TRNAU1AP: variants seen among roughly 807,000 people sequenced by gnomAD.
TRNAU1AP encodes tRNA selenocysteine 1 associated protein 1, also known as tRNA selenocysteine 1-associated protein 1.
Under a neutral mutation model 43.3 loss-of-function variants are expected in TRNAU1AP, and 33 were observed. The observed-to-expected ratio is 0.76, with a 90% CI of 0.58 to 1.02. The LOEUF is 1.02. Ranked by LOEUF, TRNAU1AP falls within the 50% of genes least tolerant of loss-of-function variation. The pLI, the probability that TRNAU1AP is intolerant of heterozygous loss-of-function variation, is 0.00. For synonymous variants in TRNAU1AP, 143 were observed against 129.1 expected, an observed-to-expected ratio of 1.11 and a Z score of -0.73; for missense variants, 290 against 362.7, an observed-to-expected ratio of 0.80 and a Z score of 1.63.
intron 2 of TRNAU1AP, among the ~76,000 whole-genome samples, chr1:28,560,129 A>T (rs980443788): frequency 6.6e-6 from 1 of 152,046 alleles, no homozygotes; most frequent in Non-Finnish European, 1.5e-5. Flanking sequence ...AATACAGATA[A>T]ACGAATCTTG....
intron 5 of TRNAU1AP, among the ~76,000 whole-genome samples, chr1:28,566,584 C>T (rs1399342893): frequency 6.6e-6 from 1 of 151,796 alleles, no homozygotes; most frequent in Non-Finnish European, 1.5e-5. Context: ...AACCCTGTCT[C>T]TACTAAAAAA....
chr1:28,554,010 C>G (rs1665194722), intron 2 of TRNAU1AP: 1 of 273,490 alleles, frequency 3.7e-6, no homozygotes, highest in Admixed American at 4.4e-5. Flanking sequence ...CCAGCCTGGC[C>G]AACATGGTGA....
intron 8 of TRNAU1AP, 49 bp from the exon 9 acceptor site, chr1:28,577,451 T>C (rs965672351): frequency 1.3e-6 from 2 of 1,599,544 alleles, no homozygotes; most frequent in African/African-American, 2.7e-5. Flanking sequence ...ACCAGGTCCC[T>C]TGCAGCTGTC....
At chr1:28,553,584 C>T (rs904278137) in intron 1 of TRNAU1AP, 56 bp from the exon 2 acceptor site, 1 of 1,550,008 alleles carries the variant, frequency 6.5e-7, no homozygotes, top group Non-Finnish European at 8.9e-7. Context: ...GCTCTGGAAC[C>T]CGGAGTGGGA....
chr1:28,561,639 A>G (rs1665406588), intron 4 of TRNAU1AP, among the ~76,000 whole-genome samples: 1 of 152,190 alleles, frequency 6.6e-6, no homozygotes, highest in South Asian at 2.1e-4. Flanking sequence ...GTTTTATTCA[A>G]TAAGAATTGC....
chr1:28,567,252 T>G (rs562733367), intron 5 of TRNAU1AP, 42 bp from the exon 6 acceptor site: 1 of 1,605,228 alleles, frequency 6.2e-7, no homozygotes, highest in South Asian at 1.1e-5. Flanking sequence ...TCTTAGACTT[T>G]AATCACATTT....
At chr1:28,568,284 T>C (rs1239754277) in intron 6 of TRNAU1AP, among the ~76,000 whole-genome samples, 3 of 152,154 alleles carry the variant, frequency 2.0e-5, no homozygotes, top group Non-Finnish European at 4.4e-5. Flanking sequence ...CTGAATGGGA[T>C]TTTTTGTTTG....
intron 2 of TRNAU1AP, among the ~76,000 whole-genome samples, chr1:28,554,683 A>G (rs1339616598): frequency 6.6e-6 from 1 of 151,910 alleles, no homozygotes; most frequent in Non-Finnish European, 1.5e-5. Context: ...TCTACTAAAA[A>G]TACAAAAAAA....
At chr1:28,570,256 T>C (rs1665634939) in intron 6 of TRNAU1AP, among the ~76,000 whole-genome samples, 1 of 151,206 alleles carries the variant, frequency 6.6e-6, no homozygotes, top group Non-Finnish European at 1.5e-5. Context: ...TCTCTTTTCT[T>C]TTTTTTTTGA....
chr1:28,556,551 G>A (rs1471097103), intron 2 of TRNAU1AP, among the ~76,000 whole-genome samples: 6 of 135,292 alleles, frequency 4.4e-5, no homozygotes, highest in African/African-American at 1.7e-4. Flanking sequence ...TCCCTCTGTT[G>A]CCCAGGCTGA....
chr1:28,563,277 C>T (rs1327822087), intron 4 of TRNAU1AP, among the ~76,000 whole-genome samples: 3 of 150,512 alleles, frequency 2.0e-5, no homozygotes, highest in South Asian at 2.2e-4. Context: ...AGGCCGGGTG[C>T]GGTGGCTCAC....
chr1:28,561,200 C>T, intron 3 of TRNAU1AP, 146 bp from the exon 4 acceptor site: 1 of 1,472,864 alleles, frequency 6.8e-7, no homozygotes, highest in Non-Finnish European at 9.0e-7. Flanking sequence ...TCCGTGCAAC[C>T]CCCTCATTTT....
In TRNAU1AP at chr1:28,561,404, T is replaced by G. The variant is rs766557091; in HGVS notation, c.278+6T>G. 4.3e-6 allele frequency: 7 copies of G among 1,614,040 alleles called. No individual in the cohort carries two copies. The Admixed American group carries it at 1.2e-4, about 27-fold the overall frequency. ...GGGAAACAACCAGATAACAGGTAGG[T>G]ACAAAGTCATGTCTAGACAGACATA... is the stretch of plus-strand genomic sequence containing the variant. On this transcript the variant is annotated splice_donor_region_variant and intron_variant, in intron 4 of 8. Coordinates refer to ENST00000373830, the MANE Select transcript of TRNAU1AP (RefSeq NM_017846.5).
At chr1:28,572,934 C>CA (rs200836155) in intron 8 of TRNAU1AP, among the ~76,000 whole-genome samples, 20,210 of 144,492 alleles carry the variant, frequency 0.14, 1,665 homozygotes, top group Non-Finnish European at 0.18. Context: ...GACTCCGTCT[C>CA]AAAAAAAAAG....
intron 2 of TRNAU1AP, among the ~76,000 whole-genome samples, chr1:28,557,516 C>T (rs1452526099): frequency 1.4e-5 from 2 of 141,004 alleles, no homozygotes; most frequent in East Asian, 4.1e-4. Flanking sequence ...TCGCTCTTGT[C>T]ACCCAGACTA....
At chr1:28,571,786 A>AAAAATAAATAAATAAAATAAAAT in intron 7 of TRNAU1AP, 81 bp from the exon 8 acceptor site, 1 of 1,008,578 alleles carries the variant, frequency 9.9e-7, no homozygotes. Flanking sequence ...CCACCTCAAA[A>AAAAATAAATAAATAAAATAAAAT]AAAATAAAAA....
At chr1:28,562,168 G>A (rs1665425015) in intron 4 of TRNAU1AP, among the ~76,000 whole-genome samples, 1 of 152,220 alleles carries the variant, frequency 6.6e-6, no homozygotes, top group African/African-American at 2.4e-5. Context: ...TTAAAACGGT[G>A]TACCAAAAGC....
chr1:28,571,961 C>A, intron 8 of TRNAU1AP, 61 bp downstream of exon 8: 1 of 1,420,664 alleles, frequency 7.0e-7, no homozygotes, highest in Non-Finnish European at 1.0e-6. Context: ...GTGGCTGGCA[C>A]TGTGCTCTCA....
chr1:28,571,114 C>T, intron 6 of TRNAU1AP, 62 bp from the exon 7 acceptor site: 1 of 1,517,810 alleles, frequency 6.6e-7, no homozygotes, highest in East Asian at 2.3e-5. Flanking sequence ...AGTCTGTGGC[C>T]ACATAGGCAG....
Sources: allele counts gnomAD v4.1 joint callset (sites outside exome capture counted in the v4.1 genomes callset), GRCh38; gene constraint gnomAD v4.1.1; transcripts MANE v1.5; gene names NCBI Gene and HGNC (gene_info 2026-07-23, HGNC 2026-07-21).